IGSF5: variants seen among roughly 807,000 people sequenced by gnomAD.
IGSF5 encodes immunoglobulin superfamily member 5, also known as immunoglobulin superfamily 5 like.
In IGSF5, 41 loss-of-function variants were observed where a neutral mutation model predicts 39.4. That is an observed-to-expected ratio of 1.04 (90% CI 0.81 to 1.35). IGSF5 has a LOEUF of 1.35. Ranked by LOEUF, IGSF5 falls within the 40% of genes most tolerant of loss-of-function variation. The pLI is 0.00. For missense variants in IGSF5, 487 were observed against 494.6 expected (o/e 0.98, Z 0.15); for synonymous variants, 183 against 175.3 (o/e 1.04, Z -0.34).
chr21:39,725,515 C>T, the IGSF5 span, among the ~76,000 whole-genome samples: 1 of 152,170 alleles, frequency 6.6e-6, no homozygotes, highest in South Asian at 2.1e-4. Context: ...GGGCTACGGA[C>T]AGTCTTGAAA....
At chr21:39,786,676 T>C (rs376756523) in intron 5 of IGSF5, among the ~76,000 whole-genome samples, 2 of 151,978 alleles carry the variant, frequency 1.3e-5, no homozygotes, top group South Asian at 4.2e-4. Flanking sequence ...TATTGTGGCA[T>C]TATTCACAAT....
chr21:39,755,102 G>A (rs568549759), intron 2 of IGSF5, among the ~76,000 whole-genome samples: 2 of 152,274 alleles, frequency 1.3e-5, no homozygotes, highest in South Asian at 4.1e-4. Context: ...GGGACTAGAA[G>A]TCTTTCCTAA....
chr21:39,745,560 A>C (rs1329338289), intron 1 of IGSF5, 34 bp downstream of exon 1: 1 of 716,308 alleles, frequency 1.4e-6, no homozygotes, highest in East Asian at 2.7e-5. Context: ...TGTTGAGTAG[A>C]GACTTCTGGC....
the IGSF5 span, among the ~76,000 whole-genome samples, chr21:39,712,840 GCCT>G: frequency 6.6e-6 from 1 of 152,130 alleles, no homozygotes; most frequent in Non-Finnish European, 1.5e-5. Flanking sequence ...CCATTCACAG[GCCT>G]CCTTGTCCCA....
intron 2 of IGSF5, among the ~76,000 whole-genome samples, chr21:39,757,562 A>C (rs1290275970): frequency 4.0e-5 from 6 of 148,272 alleles, no homozygotes; most frequent in African/African-American, 1.0e-4. Flanking sequence ...TCTGAGGTGG[A>C]CTCAGAAATG....
intron 5 of IGSF5, among the ~76,000 whole-genome samples, chr21:39,783,174 G>T (rs1250573126): frequency 6.6e-6 from 1 of 152,180 alleles, no homozygotes; most frequent in Admixed American, 6.5e-5. Flanking sequence ...GAATAGTGCT[G>T]CAATAAATGT....
intron 2 of IGSF5, among the ~76,000 whole-genome samples, chr21:39,750,056 C>T (rs745776340): frequency 3.9e-5 from 6 of 152,164 alleles, no homozygotes; most frequent in Non-Finnish European, 7.3e-5. Flanking sequence ...AGGAGGTATG[C>T]AGCTTTTTCA....
the IGSF5 span, among the ~76,000 whole-genome samples, chr21:39,728,927 G>T: frequency 1.1e-4 from 17 of 152,090 alleles, no homozygotes; most frequent in African/African-American, 3.9e-4. Flanking sequence ...GATGGAGGTT[G>T]GGAGACTTGC....
intron 4 of IGSF5, among the ~76,000 whole-genome samples, chr21:39,771,563 T>C (rs1384120272): frequency 6.6e-6 from 1 of 152,188 alleles, no homozygotes; most frequent in African/African-American, 2.4e-5. Flanking sequence ...TCCCACCCCC[T>C]GAGCCAGTAT....
At chr21:39,735,249 T>G in the IGSF5 span, among the ~76,000 whole-genome samples, 3 of 152,246 alleles carry the variant, frequency 2.0e-5, no homozygotes, top group Non-Finnish European at 2.9e-5. Flanking sequence ...ATGAGTAATC[T>G]GTCTTAAAAT....
In IGSF5 at chr21:39,772,806, C is replaced by G. The variant is rs866829378; in HGVS notation, c.718+1591C>G. On this transcript the variant is annotated intron_variant, in intron 4 of 8. Coordinates refer to ENST00000380588, the MANE Select transcript of IGSF5 (RefSeq NM_001080444.2). ...CAAGATATAGGTAATGTAATGTGGTCACAGGATGACAATTTTCATTGGCGT... is the reference window on the plus strand; with the variant it reads ...CAAGATATAGGTAATGTAATGTGGTGACAGGATGACAATTTTCATTGGCGT... Among the ~76,000 whole-genome samples the G allele has an allele frequency of 2.0e-5, 3 of 152,208 alleles. No homozygotes were observed. The South Asian group carries it at 6.2e-4, about 32-fold the overall frequency.
rs141251107 is a variant in IGSF5 at position 39,750,508 on chromosome 21, C to CAAAAA, written c.100+4211_100+4212insAAAAA. Among the ~76,000 whole-genome samples, 3 of 123,718 alleles carry CAAAAA rather than the reference C, an allele frequency of 2.4e-5. 1 individual carries two copies. Among genetic ancestry groups the CAAAAA allele is most frequent in the Non-Finnish European group, 4.8e-5 (3 of 62,022 alleles). The allele number at this position is 123,718 out of a possible 152,430, so 81.2% of individuals were successfully genotyped here. Reference sequence around the variant, plus strand: ...GGGTAACAGAGCAAGACACTGTCTCCAGAAAAAAAAAAAAAAAAGCAGTTC... The same window carrying CAAAAA: ...GGGTAACAGAGCAAGACACTGTCTCCAAAAAAGAAAAAAAAAAAAAAAAGCAGTTC... On this transcript the variant is annotated intron_variant, in intron 2 of 8. Transcript: ENST00000380588.
the IGSF5 span, among the ~76,000 whole-genome samples, chr21:39,723,937 A>G: frequency 6.6e-6 from 1 of 152,144 alleles, no homozygotes; most frequent in African/African-American, 2.4e-5. Flanking sequence ...ATTTGAGGTC[A>G]GGAGTTCAAG....
intron 2 of IGSF5, 151 bp from the exon 3 acceptor site, chr21:39,765,384 G>C: frequency 1.5e-6 from 1 of 663,640 alleles, no homozygotes; most frequent in Non-Finnish European, 2.6e-6. Context: ...ATCTGCCAGG[G>C]AGAGCTGGTG....
At chr21:39,761,723 T>C (rs1025564390) in intron 2 of IGSF5, among the ~76,000 whole-genome samples, 5 of 152,184 alleles carry the variant, frequency 3.3e-5, no homozygotes, top group African/African-American at 1.2e-4. Context: ...GGCTGGAGTT[T>C]AGTGGTGTAG....
rs78387501 is a variant in IGSF5, at chr21:39,768,224, G to A, written c.418+2372G>A. Among the ~76,000 whole-genome samples, 1,391 of 152,184 alleles carry A rather than the reference G, an allele frequency of 9.1e-3. 19 individuals are homozygous for A. Among genetic ancestry groups the A allele is most frequent in the African/African-American group, 0.032 (1,322 of 41,536 alleles). On this transcript the variant is annotated intron_variant, in intron 3 of 8. Coordinates refer to ENST00000380588, the MANE Select transcript of IGSF5 (RefSeq NM_001080444.2). ...TATCCTCATCTCATTGCTCTGAATGGCACTTAGTTCCTAGAGGAGCAAATG... is the reference window on the plus strand; with the variant it reads ...TATCCTCATCTCATTGCTCTGAATGACACTTAGTTCCTAGAGGAGCAAATG...
chr21:39,723,703 A>C, the IGSF5 span, among the ~76,000 whole-genome samples: 1 of 152,236 alleles, frequency 6.6e-6, no homozygotes, highest in Admixed American at 6.5e-5. Context: ...GCAAGGCACA[A>C]GTATTAATTT....
chr21:39,743,681 T>C (rs117274329), upstream of IGSF5, among the ~76,000 whole-genome samples: 4,659 of 152,188 alleles, frequency 0.031, 91 homozygotes, highest in Middle Eastern at 0.099. Flanking sequence ...CTGTAGGGCA[T>C]AAGTCATACT....
chr21:39,791,639 T>C lies in IGSF5; in HGVS notation c.957-369T>C, dbSNP rs958432066. 3.9e-5 allele frequency: 7 copies of C among 181,406 alleles called. No individual in the cohort carries two copies. The Admixed American group carries it at 4.0e-4, about 10-fold the overall frequency. The allele number at this position is 181,406 out of a possible 1,614,324, so 11.2% of individuals were successfully genotyped here. On this transcript the variant is annotated intron_variant, in intron 6 of 8. Transcript: ENST00000380588. The stretch of plus-strand genomic sequence containing the variant: ...TAGCCATAGACAATATGTGAGCTGA[T>C]AGATGTAACCGTGTTCCAATGAAAC...
Sources: allele counts gnomAD v4.1 joint callset (sites outside exome capture counted in the v4.1 genomes callset), GRCh38; gene constraint gnomAD v4.1.1; transcripts MANE v1.5; gene names NCBI Gene and HGNC (gene_info 2026-07-23, HGNC 2026-07-21).